Variants in NREP observed in about 807,000 individuals in gnomAD.
The protein encoded by NREP is neuronal regeneration related protein, also known as neuronal regeneration-related protein.
Under a neutral mutation model 8.6 loss-of-function variants are expected in NREP, and 5 were observed. The ratio of observed to expected loss-of-function variants is 0.58; its 90% CI spans 0.30 to 1.22. NREP has a LOEUF of 1.22. Among genes scored for constraint, NREP ranks in the 50% most tolerant of loss-of-function variants. The pLI is 0.07. For synonymous variants in NREP, 27 were observed against 28.0 expected (o/e 0.96, Z 0.11); for missense variants, 86 against 82.5 (o/e 1.04, Z -0.17).
rs543338052 is a variant in NREP, at chr5:111,795,407, A to T, written c.136-59900T>A. Among the ~76,000 whole-genome samples the T allele has an allele frequency of 2.0e-5, 3 of 152,314 alleles. No homozygotes were observed. In the South Asian group the frequency reaches 6.2e-4, roughly 32 times the overall value. On this transcript the variant is annotated intron_variant, in intron 2 of 3. Coordinates refer to the NREP transcript ENST00000395634. ...AACTTGGCCATCATTTGGCAAACTC[A>T]AGCTAGGTAGACAATCAATCTGAAT...
In NREP at chr5:111,868,161, A is replaced by T. The variant is rs537744706; in HGVS notation, c.135+107113T>A. On this transcript the variant is annotated intron_variant, in intron 2 of 3. Coordinates refer to the NREP transcript ENST00000395634. ...TATCTCATTTCATTATGGAAAAGACAACTTCATGGAAACGTGGAATCAGAG... is the reference window on the plus strand; with the variant it reads ...TATCTCATTTCATTATGGAAAAGACTACTTCATGGAAACGTGGAATCAGAG... Among the ~76,000 whole-genome samples, 10 of 152,306 alleles carry T rather than the reference A, an allele frequency of 6.6e-5. No homozygotes were observed. In the South Asian group the frequency reaches 2.1e-3, roughly 32 times the overall value.
intron 2 of NREP, among the ~76,000 whole-genome samples, chr5:111,960,285 T>C (rs2112651543): frequency 6.6e-6 from 1 of 152,310 alleles, no homozygotes; most frequent in African/African-American, 2.4e-5. Flanking sequence ...ACTACTTTAT[T>C]CCATACCTCA....
At chr5:111,820,403 G>C (rs1259145560) in intron 2 of NREP, among the ~76,000 whole-genome samples, 1 of 152,198 alleles carries the variant, frequency 6.6e-6, no homozygotes, top group Non-Finnish European at 1.5e-5. Context: ...AAGTCTTAGA[G>C]AGTAGGCAAA....
chr5:111,797,886 G>T (rs1437266693), intron 2 of NREP, among the ~76,000 whole-genome samples: 1 of 152,166 alleles, frequency 6.6e-6, no homozygotes, highest in Non-Finnish European at 1.5e-5. Flanking sequence ...AAGGAAAGTA[G>T]AGTTTAGGTA....
chr5:111,784,868 A>G (rs1051438630), intron 2 of NREP, among the ~76,000 whole-genome samples: 4 of 152,202 alleles, frequency 2.6e-5, no homozygotes, highest in African/African-American at 9.7e-5. Context: ...TTATTTTTAT[A>G]AAGAAAGTAT....
At chr5:111,868,891 C>T (rs1292247664) in intron 2 of NREP, among the ~76,000 whole-genome samples, 1 of 151,438 alleles carries the variant, frequency 6.6e-6, no homozygotes, top group Non-Finnish European at 1.5e-5. Flanking sequence ...AGGAGGGATG[C>T]TATTCCTAAG....
chr5:111,957,234 A>G (rs1227000250), intron 2 of NREP, among the ~76,000 whole-genome samples: 2 of 152,154 alleles, frequency 1.3e-5, no homozygotes, highest in African/African-American at 4.8e-5. Context: ...AACATCAGTT[A>G]TAATTGTGAT....
chr5:111,947,749 T>G (rs1756031807), intron 2 of NREP, among the ~76,000 whole-genome samples: 1 of 152,198 alleles, frequency 6.6e-6, no homozygotes, highest in East Asian at 1.9e-4. Flanking sequence ...GGCACATGAA[T>G]GCAGTGATTT....
At chr5:111,944,946 C>G (rs1251792106) in intron 2 of NREP, among the ~76,000 whole-genome samples, 1 of 151,986 alleles carries the variant, frequency 6.6e-6, no homozygotes, top group African/African-American at 2.4e-5. Context: ...TCATCTTCAC[C>G]TCTCCTTTAT....
intron 3 of NREP, chr5:111,731,754 G>A (rs1748604818): frequency 6.6e-6 from 1 of 152,216 alleles, no homozygotes. Context: ...CAATCCTGAT[G>A]AGAAAGGTTT....
intron 2 of NREP, among the ~76,000 whole-genome samples, chr5:111,917,156 A>T (rs1019609372): frequency 6.6e-5 from 10 of 152,016 alleles, no homozygotes; most frequent in Non-Finnish European, 1.3e-4. Context: ...GAGCATGCAC[A>T]GTGTGTTTAA....
chr5:111,780,506 T>G (rs963844911), intron 2 of NREP, among the ~76,000 whole-genome samples: 1 of 152,160 alleles, frequency 6.6e-6, no homozygotes, highest in African/African-American at 2.4e-5. Flanking sequence ...TAAATCCCAC[T>G]CATTGCTGCA....
chr5:111,832,614 A>G (rs1752799683), intron 2 of NREP, among the ~76,000 whole-genome samples: 1 of 152,142 alleles, frequency 6.6e-6, no homozygotes, highest in African/African-American at 2.4e-5. Flanking sequence ...TAACCATTGC[A>G]AGCACTTTAA....
chr5:111,779,575 C>T (rs1751444208), intron 2 of NREP, among the ~76,000 whole-genome samples: 1 of 152,092 alleles, frequency 6.6e-6, no homozygotes, highest in Non-Finnish European at 1.5e-5. Context: ...TCAAACTCTC[C>T]AAGAAAGGGG....
At chr5:111,889,700 C>T (rs927438392) in intron 2 of NREP, among the ~76,000 whole-genome samples, 3 of 152,072 alleles carry the variant, frequency 2.0e-5, no homozygotes, top group Admixed American at 6.6e-5. Context: ...CACATGCGTC[C>T]GTGTGAAGAG....
At chr5:111,869,885 T>A (rs902454385) in intron 2 of NREP, among the ~76,000 whole-genome samples, 14 of 152,196 alleles carry the variant, frequency 9.2e-5, no homozygotes, top group African/African-American at 3.4e-4. Flanking sequence ...AATTTCTTGA[T>A]GAAGAAATAT....
intron 2 of NREP, among the ~76,000 whole-genome samples, chr5:111,943,677 G>A (rs908901099): frequency 6.6e-6 from 1 of 152,066 alleles, no homozygotes; most frequent in Admixed American, 6.6e-5. Context: ...ATTTGCAGTG[G>A]TAAACAGCAA....
chr5:111,870,646 T>C (rs1160290817), intron 2 of NREP, among the ~76,000 whole-genome samples: 2 of 152,266 alleles, frequency 1.3e-5, no homozygotes, highest in East Asian at 3.9e-4. Context: ...AGCACCTTAT[T>C]TGGACCTTAT....
At chr5:111,910,109 A>G (rs1393801505) in intron 2 of NREP, among the ~76,000 whole-genome samples, 3 of 152,100 alleles carry the variant, frequency 2.0e-5, no homozygotes, top group Non-Finnish European at 4.4e-5. Flanking sequence ...CTAAAATGTT[A>G]TATTTTCCAT....
Sources: gnomAD v4.1 joint callset for allele counts (sites outside exome capture counted in the v4.1 genomes callset) on GRCh38, gnomAD v4.1.1 for gene constraint, MANE v1.5 for transcripts, NCBI Gene and HGNC (gene_info 2026-07-23, HGNC 2026-07-21) for gene names.